TTLL11: variants seen among roughly 807,000 people sequenced by gnomAD.
TTLL11 encodes tubulin tyrosine ligase like 11, also known as tubulin polyglutamylase TTLL11.
In TTLL11, 42 loss-of-function variants were observed where a neutral mutation model predicts 51.7. The ratio of observed to expected loss-of-function variants is 0.81; its 90% CI spans 0.64 to 1.05. TTLL11 has a LOEUF of 1.05. TTLL11 is among the 50% of genes least tolerant of loss of function. The pLI, the probability that TTLL11 is intolerant of heterozygous loss-of-function variation, is 0.00. For missense variants in TTLL11, 799 were observed against 940.4 expected, an observed-to-expected ratio of 0.85 and a Z score of 1.97; for synonymous variants, 381 against 383.5, an observed-to-expected ratio of 0.99 and a Z score of 0.08.
At chr9:121,848,066 G>A (rs752056273) in intron 8 of TTLL11, among the ~76,000 whole-genome samples, 1 of 152,046 alleles carries the variant, frequency 6.6e-6, no homozygotes, top group Non-Finnish European at 1.5e-5. Flanking sequence ...AATTAGCCAG[G>A]TGTGGGGGCA....
At chr9:121,859,719 A>C (rs1837945305) in intron 8 of TTLL11, among the ~76,000 whole-genome samples, 1 of 152,148 alleles carries the variant, frequency 6.6e-6, no homozygotes, top group Non-Finnish European at 1.5e-5. Context: ...GCTCCAGCCC[A>C]TCTGGGCTAC....
intron 3 of TTLL11, among the ~76,000 whole-genome samples, chr9:122,006,806 T>C (rs1843661074): frequency 6.6e-6 from 1 of 151,804 alleles, no homozygotes; most frequent in Non-Finnish European, 1.5e-5. Flanking sequence ...GCCATCATGA[T>C]GAAACCTCAT....
At chr9:121,966,257 T>C (rs1842394610) in intron 6 of TTLL11, among the ~76,000 whole-genome samples, 1 of 152,190 alleles carries the variant, frequency 6.6e-6, no homozygotes, top group Admixed American at 6.5e-5. Flanking sequence ...GTTCCAAATA[T>C]ATACCTCTGA....
At chr9:121,841,040 TG>T (rs1837330659) in intron 8 of TTLL11, among the ~76,000 whole-genome samples, 1 of 152,004 alleles carries the variant, frequency 6.6e-6, no homozygotes, top group African/African-American at 2.4e-5. Context: ...GGAGAGAGCA[TG>T]GCTGTTTGGC....
intron 6 of TTLL11, among the ~76,000 whole-genome samples, chr9:121,961,783 C>T (rs1372232229): frequency 6.6e-6 from 1 of 152,208 alleles, no homozygotes; most frequent in Non-Finnish European, 1.5e-5. Context: ...AGGCCAGGTG[C>T]CATGGCTCAC....
At chr9:122,045,856 A>G (rs1844987275) in intron 1 of TTLL11, among the ~76,000 whole-genome samples, 1 of 152,192 alleles carries the variant, frequency 6.6e-6, no homozygotes, top group Admixed American at 6.5e-5. Flanking sequence ...AAATTCATAG[A>G]GGCAGAAAGT....
intron 6 of TTLL11, among the ~76,000 whole-genome samples, chr9:121,883,595 A>G (rs1838882129): frequency 6.6e-6 from 1 of 152,184 alleles, no homozygotes; most frequent in Non-Finnish European, 1.5e-5. Context: ...GTCCAGAGAA[A>G]AAGTCTAACT....
At chr9:121,986,707 C>T (rs981942044) in intron 4 of TTLL11, among the ~76,000 whole-genome samples, 56 of 152,104 alleles carry the variant, frequency 3.7e-4, no homozygotes, top group African/African-American at 1.2e-3. Context: ...TGCTGGCTGG[C>T]GCCTAGCCCC....
Position 121,818,025 on chromosome 9 carries a change from A to C in TTLL11, c.*4562T>G, listed in dbSNP as rs945631659. On this transcript the variant is annotated 3_prime_UTR_variant, in exon 9 of 9. Transcript: ENST00000321582. ...GTCTGGGCTCCTATCCTCCCACTCC[A>C]TTCCCCTGACTACCTACATGCACAT... is the stretch of plus-strand genomic sequence containing the variant. 2 of 152,350 alleles carry C rather than the reference A, an allele frequency of 1.3e-5. No homozygotes were observed. The highest frequency in any genetic ancestry group is 1.3e-4 in the Admixed American group (2 of 15,280). The allele number at this position is 152,350 out of a possible 1,614,324, so 9.4% of individuals were successfully genotyped here. A position where few individuals can be genotyped will look rare whatever the true frequency, so the allele number is the denominator to read the frequency against.
At chr9:121,964,937 C>T (rs1263154158) in intron 6 of TTLL11, among the ~76,000 whole-genome samples, 1 of 152,206 alleles carries the variant, frequency 6.6e-6, no homozygotes, top group African/African-American at 2.4e-5. Context: ...TTCCACCTTA[C>T]AGATATTGAT....
intron 3 of TTLL11, among the ~76,000 whole-genome samples, chr9:121,994,875 C>CA (rs1843209100): frequency 6.6e-6 from 1 of 152,218 alleles, no homozygotes; most frequent in Admixed American, 6.5e-5. Flanking sequence ...GCAGTGGAGT[C>CA]AGAGGGAAGG....
intron 6 of TTLL11, among the ~76,000 whole-genome samples, chr9:121,915,207 G>T (rs1252705203): frequency 6.6e-6 from 1 of 151,404 alleles, no homozygotes. Context: ...GTAAACAAAG[G>T]TGTGTGTGTG....
intron 3 of TTLL11, among the ~76,000 whole-genome samples, chr9:122,014,521 CTGTGTT>C (rs1426062408): frequency 6.6e-6 from 1 of 152,182 alleles, no homozygotes; most frequent in Non-Finnish European, 1.5e-5. Context: ...TCCATAGTGC[CTGTGTT>C]TAATTCCATC....
chr9:121,861,688 C>T (rs1411884951), intron 7 of TTLL11, among the ~76,000 whole-genome samples: 4 of 152,082 alleles, frequency 2.6e-5, no homozygotes, highest in South Asian at 2.1e-4. Context: ...AGGCAGCTGA[C>T]GGTGTCATGC....
chr9:122,061,452 A>G (rs370034097), intron 1 of TTLL11, among the ~76,000 whole-genome samples: 4 of 152,244 alleles, frequency 2.6e-5, no homozygotes, highest in African/African-American at 9.6e-5. Context: ...ATTGTATCTC[A>G]TTGAGCACAT....
At chr9:121,834,281 C>T (rs1025784361) in intron 8 of TTLL11, among the ~76,000 whole-genome samples, 1 of 152,162 alleles carries the variant, frequency 6.6e-6, no homozygotes, top group Non-Finnish European at 1.5e-5. Flanking sequence ...GGGCTGGGGT[C>T]TCGAAGGACT....
intron 4 of TTLL11, among the ~76,000 whole-genome samples, chr9:121,987,660 C>T (rs1056377576): frequency 2.6e-5 from 4 of 152,156 alleles, no homozygotes; most frequent in African/African-American, 9.7e-5. Flanking sequence ...GCATTTGAAG[C>T]GCTGACCCTG....
At chr9:121,993,801 G>A (rs1364043424) in intron 3 of TTLL11, among the ~76,000 whole-genome samples, 1 of 152,220 alleles carries the variant, frequency 6.6e-6, no homozygotes, top group Admixed American at 6.5e-5. Flanking sequence ...GGGCAGGTAA[G>A]AGGCCAATTT....
At chr9:121,935,015 C>T (rs950296633) in intron 6 of TTLL11, among the ~76,000 whole-genome samples, 4 of 152,044 alleles carry the variant, frequency 2.6e-5, no homozygotes, top group Non-Finnish European at 4.4e-5. Flanking sequence ...AGTGCAATGG[C>T]GCAATCTCGG....
Sources: gnomAD v4.1 joint callset for allele counts (sites outside exome capture counted in the v4.1 genomes callset) on GRCh38, gnomAD v4.1.1 for gene constraint, MANE v1.5 for transcripts, NCBI Gene and HGNC (gene_info 2026-07-23, HGNC 2026-07-21) for gene names.